The following PIEZO1 variants were observed in gnomAD, a reference collection of about 807,000 sequenced individuals.
PIEZO1 encodes piezo-type mechanosensitive ion channel component 1.
Under a neutral mutation model 297.2 loss-of-function variants are expected in PIEZO1, and 296 were observed. The ratio of observed to expected loss-of-function variants is 1.00; its 90% CI spans 0.91 to 1.10. The LOEUF is 1.10. PIEZO1 is among the 50% of genes least tolerant of loss of function. The probability of loss-of-function intolerance (pLI) is 0.00; values close to 1 mark genes in which losing one functional copy is unlikely to be tolerated. For missense variants in PIEZO1, 5,018 were observed against 3,455.5 expected (o/e 1.45, Z -11.34); for synonymous variants, 2,427 against 1,507.5 (o/e 1.61, Z -14.13).
At chr16:88,722,513 G>A (rs1232960209) in intron 35 of PIEZO1, 70 bp downstream of exon 35, 22 of 1,432,954 alleles carry the variant, frequency 1.5e-5, no homozygotes, top group Non-Finnish European at 1.8e-5. Flanking sequence ...AATGGCGAGG[G>A]TCGGGGATGG....
At chr16:88,782,891 C>T (rs549443304) in intron 1 of PIEZO1, among the ~76,000 whole-genome samples, 2 of 152,350 alleles carry the variant, frequency 1.3e-5, no homozygotes, top group Admixed American at 1.3e-4. Context: ...TCCATCTCCC[C>T]CAGGTGACTG....
intron 1 of PIEZO1, among the ~76,000 whole-genome samples, chr16:88,774,326 G>A (rs1907560386): frequency 1.3e-5 from 2 of 152,262 alleles, no homozygotes; most frequent in Admixed American, 1.3e-4. Flanking sequence ...GGGAGGCGGA[G>A]TTTGCGATGA....
chr16:88,724,119 G>A (rs150789841), intron 30 of PIEZO1, 148 bp from the exon 31 acceptor site: 623 of 616,506 alleles, frequency 1.0e-3, no homozygotes, highest in African/African-American at 9.4e-3. Flanking sequence ...AGGCCAGCGC[G>A]GTGGGACAAG....
chr16:88,723,824 A>T, intron 31 of PIEZO1, 47 bp downstream of exon 31: 1 of 1,032,356 alleles, frequency 9.7e-7, no homozygotes. Flanking sequence ...GTCCAGGACC[A>T]CAAGCTCTGT....
At chr16:88,767,371 G>A (rs557173869) in intron 1 of PIEZO1, among the ~76,000 whole-genome samples, 42 of 152,270 alleles carry the variant, frequency 2.8e-4, no homozygotes, top group Non-Finnish European at 5.6e-4. Context: ...CACAAAAACA[G>A]GCCCCCACAG....
rs75836451 is a variant in PIEZO1 at position 88,723,579 on chromosome 16, G to C, written c.4336-251C>G. ...CCCAAAGATGGACCCAGGACAGCCA[G>C]GCGGCCAGCACAAAGGTGTTGGGCC... is the stretch of plus-strand genomic sequence containing the variant. On this transcript the variant is annotated intron_variant, in intron 31 of 50. Coordinates refer to ENST00000301015, the MANE Select transcript of PIEZO1 (RefSeq NM_001142864.4). Among the ~76,000 whole-genome samples the C allele has an allele frequency of 8.5e-3, 1,289 of 152,394 alleles. 8 individuals are homozygous for C. The highest frequency in any genetic ancestry group is 0.014 in the Non-Finnish European group (942 of 68,038).
At chr16:88,737,431 C>T (rs774869548) in intron 10 of PIEZO1, 128 bp downstream of exon 10, 414 of 641,342 alleles carry the variant, frequency 6.5e-4, no homozygotes, top group Middle Eastern at 1.7e-3. Context: ...ATGTCCTGGG[C>T]CCCCGAGGGG....
chr16:88,725,333 C>T, intron 29 of PIEZO1, 83 bp downstream of exon 29: 1 of 903,624 alleles, frequency 1.1e-6, no homozygotes, highest in Non-Finnish European at 1.6e-6. Context: ...TGGGACGTCA[C>T]ATGGGCACAG....
intron 44 of PIEZO1, 97 bp from the exon 45 acceptor site, chr16:88,717,308 C>G (rs1222637935): frequency 1.8e-6 from 2 of 1,097,888 alleles, no homozygotes; most frequent in East Asian, 2.6e-5. Context: ...AGAAAAGCCC[C>G]AGCCTGACCT....
At chr16:88,733,020 G>C (rs913124325) in intron 19 of PIEZO1, 11 of 581,090 alleles carry the variant, frequency 1.9e-5, no homozygotes, top group Non-Finnish European at 3.1e-5. Flanking sequence ...TCCAGGGGTG[G>C]GGCCCTCCCG....
chr16:88,732,895 G>C, intron 19 of PIEZO1, 163 bp from the exon 20 acceptor site: 2 of 697,494 alleles, frequency 2.9e-6, no homozygotes, highest in South Asian at 1.9e-5. Context: ...AGGGGACCAG[G>C]TGTTTGAGAA....
rs188966111 is a variant in PIEZO1 at position 88,725,033 on chromosome 16, G to A, written c.4210C>T (p.Arg1404Trp). The A allele has an allele frequency of 6.5e-4, 976 of 1,496,274 alleles. 9 individuals are homozygous for A. In the East Asian group the frequency reaches 0.02, roughly 30 times the overall value. The allele number at this position is 1,496,274 out of a possible 1,614,324, so 92.7% of individuals were successfully genotyped here. The change falls in exon 30 of 51, where the codon CGG becomes TGG. Residue 1404 changes from arginine to tryptophan, a missense_variant. Coordinates refer to ENST00000301015, the MANE Select transcript of PIEZO1 (RefSeq NM_001142864.4). The stretch of plus-strand genomic sequence containing the variant: ...CCTGTGGCGTGGTCCAGCCAGGGCC[G>A]CCACCACTGCCTCCGTGGCGGGGAG... ...GSSPPRRQWW[R>W]PWLDHATVIH...
rs541569160 is a variant in PIEZO1 at position 88,734,541 on chromosome 16, G to C, written c.1998-3C>G. On this transcript the variant is annotated splice_region_variant and splice_polypyrimidine_tract_variant and intron_variant, in intron 15 of 50. Transcript: ENST00000301015. Reference sequence around the variant, plus strand: ...GCTCCAGGCCCAGGTCCCCCAGCCTGTGGAGGGGCAGCATCAGCACCGGCC... The same window carrying C: ...GCTCCAGGCCCAGGTCCCCCAGCCTCTGGAGGGGCAGCATCAGCACCGGCC... 5 of 1,542,416 alleles carry C rather than the reference G, an allele frequency of 3.2e-6. No homozygotes were observed. Among genetic ancestry groups the C allele is most frequent in the Non-Finnish European group, 2.6e-6 (3 of 1,142,062 alleles).
At chr16:88,776,216 T>C (rs1400056519) in intron 1 of PIEZO1, among the ~76,000 whole-genome samples, 3 of 152,156 alleles carry the variant, frequency 2.0e-5, no homozygotes, top group African/African-American at 7.2e-5. Flanking sequence ...GGGTGGATCA[T>C]GAGGTCAGGA....
rs907865092 is a variant in PIEZO1 at position 88,774,965 on chromosome 16, C to T, written c.64+9936G>A. Among the ~76,000 whole-genome samples, 17 of 152,336 alleles carry T rather than the reference C, an allele frequency of 1.1e-4. No individual in the cohort carries two copies. In the East Asian group the frequency reaches 2.3e-3, roughly 21 times the overall value. ...AGGCGCAAAGATAGTGGCTATGTAA[C>T]GACAGGGCGGTGCTGGGAGGCAGGC... On this transcript the variant is annotated intron_variant, in intron 1 of 50. Coordinates refer to ENST00000301015, the MANE Select transcript of PIEZO1 (RefSeq NM_001142864.4).
intron 44 of PIEZO1, chr16:88,717,568 G>A (rs762635443): frequency 1.4e-5 from 7 of 485,570 alleles, no homozygotes; most frequent in African/African-American, 3.9e-5. Flanking sequence ...AAACTTCAGA[G>A]CTAAAACTAT....
chr16:88,760,154 G>A (rs1906863882), intron 1 of PIEZO1, among the ~76,000 whole-genome samples: 2 of 149,880 alleles, frequency 1.3e-5, no homozygotes, highest in African/African-American at 5.0e-5. Context: ...CTCGCCGGCG[G>A]GGCCTCCGTG....
In PIEZO1 at chr16:88,727,759, G is replaced by A. The variant is rs541881978; in HGVS notation, c.3197-98C>T. The A allele has an allele frequency of 3.7e-5, 20 of 547,738 alleles. No homozygotes were observed. The African/African-American group carries it at 3.8e-4, about 11-fold the overall frequency. The allele number at this position is 547,738 out of a possible 1,614,324, so 33.9% of individuals were successfully genotyped here. On this transcript the variant is annotated intron_variant, in intron 22 of 50. Transcript: ENST00000301015. ...GACCCGAGTCTATCACCAGCCCTCA[G>A]GGTCCATGGGAATCACCTCGCGCAC...
chr16:88,744,146 C>A (rs1351536489), intron 2 of PIEZO1: 1 of 167,578 alleles, frequency 6.0e-6, no homozygotes, highest in African/African-American at 2.4e-5. Flanking sequence ...GGGCCCCGCG[C>A]CCCCGCCTCT....
Sources: allele counts gnomAD v4.1 joint callset (sites outside exome capture counted in the v4.1 genomes callset), GRCh38; gene constraint gnomAD v4.1.1; transcripts MANE v1.5; gene names NCBI Gene and HGNC (gene_info 2026-07-23, HGNC 2026-07-21).